The following DLGAP5 variants were observed in gnomAD, a reference collection of about 807,000 sequenced individuals.
DLGAP5 encodes the protein disks large-associated protein 5.
In DLGAP5, 90 loss-of-function variants were observed where a neutral mutation model predicts 99.6. That is an observed-to-expected ratio of 0.90 (90% CI 0.76 to 1.08). The LOEUF is 1.08. Ranked by LOEUF, DLGAP5 falls within the 50% of genes least tolerant of loss-of-function variation. DLGAP5 has a pLI of 0.00. For synonymous variants in DLGAP5, 311 were observed against 321.3 expected, an observed-to-expected ratio of 0.97 and a Z score of 0.34; for missense variants, 1,036 against 983.5, an observed-to-expected ratio of 1.05 and a Z score of -0.71.
Position 55,169,407 on chromosome 14 carries a change from T to C in DLGAP5, c.1540A>G (p.Ser514Gly). Residue 514 changes from serine (S) to glycine (G), a missense_variant, in exon 12 of 19, where the codon AGT becomes GGT. Transcript: ENST00000247191. ...AATATTGAACCACATACCTGAAAAC[T>C]AACCATATCCCAAAATCCATCCAGA... ...TDLDGFWDMV[S>G]FQIEDVIHKF... is the part of the protein sequence containing the mutation. 6.9e-7 allele frequency: 1 copy of C among 1,446,590 alleles called. No homozygotes were observed. The highest frequency in any genetic ancestry group is 1.3e-5 in the South Asian group (1 of 75,072). The allele number at this position is 1,446,590 out of a possible 1,614,324, so 89.6% of individuals were successfully genotyped here.
intron 15 of DLGAP5, among the ~76,000 whole-genome samples, chr14:55,153,540 CAAA>C (rs34557020): frequency 3.9e-4 from 53 of 135,090 alleles, no homozygotes; most frequent in African/African-American, 1.3e-3. Context: ...CACTCCGTCT[CAAA>C]AAAAAAAAAA....
intron 18 of DLGAP5, among the ~76,000 whole-genome samples, chr14:55,149,446 C>A (rs78443666): frequency 0.026 from 3,925 of 152,082 alleles, 164 homozygotes; most frequent in African/African-American, 0.09. Flanking sequence ...ACAAAAAAGG[C>A]AGCTTTGAAA....
At chr14:55,178,648 C>G (rs1055876052) in intron 7 of DLGAP5, among the ~76,000 whole-genome samples, 9 of 152,228 alleles carry the variant, frequency 5.9e-5, no homozygotes, top group African/African-American at 2.2e-4. Context: ...GGTCCAGCTG[C>G]TTTATCTGTG....
chr14:55,148,674 C>A, intron 18 of DLGAP5: 1 of 988,776 alleles, frequency 1.0e-6, no homozygotes. Context: ...AGCAACATAG[C>A]AAGATCCCAC....
chr14:55,175,450 T>C lies in DLGAP5; in HGVS notation c.1197A>G (p.Glu399=), dbSNP rs1299892882. Residue 399 remains glutamate (E), a synonymous_variant, in exon 10 of 19, where the codon GAA becomes GAG. Transcript: ENST00000247191. ...GGCCATTTAAATTTTTAGTAGTAGC[T>C]TCATTTTTATTTAAAACATGTTCTA... ...WHEEHVLNKN[E]ATTKNLNGLP... 7 of 1,337,020 alleles carry C rather than the reference T, an allele frequency of 5.2e-6. No homozygotes were observed. The East Asian group carries it at 1.7e-4, about 32-fold the overall frequency. 82.8% of individuals were successfully genotyped at this position (1,337,020 alleles called of 1,614,324 possible). A position where few individuals can be genotyped will look rare whatever the true frequency, so the allele number is the denominator to read the frequency against.
chr14:55,152,900 G>A (rs1882067982), intron 15 of DLGAP5, among the ~76,000 whole-genome samples: 1 of 152,138 alleles, frequency 6.6e-6, no homozygotes. Flanking sequence ...AGGGTCAGGT[G>A]GCTCTACCAG....
At chr14:55,168,109 C>T (rs1415634998) in intron 12 of DLGAP5, among the ~76,000 whole-genome samples, 2 of 152,096 alleles carry the variant, frequency 1.3e-5, no homozygotes, top group Non-Finnish European at 2.9e-5. Flanking sequence ...GCATGTGCAA[C>T]CATGCCTGGC....
At chr14:55,175,222 T>G (rs1313593194) in intron 10 of DLGAP5, 124 bp downstream of exon 10, 13 of 785,882 alleles carry the variant, frequency 1.7e-5, no homozygotes, top group Non-Finnish European at 2.6e-5. Context: ...TAATTAAAAT[T>G]TAAACGTGAA....
intron 2 of DLGAP5, among the ~76,000 whole-genome samples, chr14:55,187,091 A>C (rs927024909): frequency 6.6e-6 from 1 of 151,942 alleles, no homozygotes; most frequent in African/African-American, 2.4e-5. Flanking sequence ...TTTTTAGTAG[A>C]GATGGGGTTT....
intron 1 of DLGAP5, among the ~76,000 whole-genome samples, chr14:55,190,824 A>G (rs1338318390): frequency 6.6e-6 from 1 of 152,234 alleles, no homozygotes; most frequent in Admixed American, 6.5e-5. Context: ...ATCTCCTGCA[A>G]TATTAATTCG....
chr14:55,168,084 C>T (rs1882709796), intron 12 of DLGAP5, among the ~76,000 whole-genome samples: 1 of 152,068 alleles, frequency 6.6e-6, no homozygotes, highest in Non-Finnish European at 1.5e-5. Flanking sequence ...TTCTGTCTTA[C>T]AGCTTGTACT....
chr14:55,163,611 A>G (rs2140312359), intron 12 of DLGAP5, among the ~76,000 whole-genome samples: 1 of 152,338 alleles, frequency 6.6e-6, no homozygotes, highest in East Asian at 1.9e-4. Flanking sequence ...TGTCTTCTAA[A>G]GTGGATATAA....
Position 55,180,979 on chromosome 14 carries a change from T to C in DLGAP5, c.581-201A>G, listed in dbSNP as rs1883253709. 2.6e-5 allele frequency among the ~76,000 whole-genome samples: 4 copies of C among 152,070 alleles called. No homozygotes were observed. In the South Asian group the frequency reaches 8.3e-4, roughly 32 times the overall value. ...AAAAAATATAAAAATCAGCTGGGCA[T>C]GGTGGCAAGTCTGTAGTTGCAGCTA... On this transcript the variant is annotated intron_variant, in intron 5 of 18. Transcript: ENST00000247191.
In DLGAP5 at chr14:55,161,599, G is replaced by A. The variant is rs142206269; in HGVS notation, c.1653+1372C>T. Among the ~76,000 whole-genome samples, 736 of 150,842 alleles carry A rather than the reference G, an allele frequency of 4.9e-3. 29 individuals are homozygous for A. The East Asian group carries it at 0.064, about 13-fold the overall frequency. On this transcript the variant is annotated intron_variant, in intron 13 of 18. Coordinates refer to ENST00000247191, the MANE Select transcript of DLGAP5 (RefSeq NM_014750.5). ...TAATTTTTGTATTTTTAGTAGAGAC[G>A]GGGTTTCTCCACGATGGTCAGGCTG...
chr14:55,159,660 T>C (rs952240356), intron 13 of DLGAP5, among the ~76,000 whole-genome samples: 1 of 152,138 alleles, frequency 6.6e-6, no homozygotes, highest in African/African-American at 2.4e-5. Context: ...ATGCTGTCAG[T>C]TTGGGATATA....
chr14:55,177,231 G>GT lies in DLGAP5; in HGVS notation c.879dup (p.Pro294ThrfsTer2). On this transcript the variant is annotated frameshift_variant, in exon 8 of 19. Coordinates refer to ENST00000247191, the MANE Select transcript of DLGAP5 (RefSeq NM_014750.5). LOFTEE classifies it high-confidence loss of function. ...TTTATTTTTGCAGTATTTATCTCAG[G>GT]TAAGTTTTCCATTTTTGATAAGACT... The GT allele has an allele frequency of 1.2e-6, 2 of 1,613,182 alleles. No homozygotes were observed. Among genetic ancestry groups the GT allele is most frequent in the Non-Finnish European group, 1.7e-6 (2 of 1,179,678 alleles).
chr14:55,158,508 C>T lies in DLGAP5; in HGVS notation c.1873+14G>A, dbSNP rs200878291. On this transcript the variant is annotated intron_variant, in intron 14 of 18. Coordinates refer to ENST00000247191, the MANE Select transcript of DLGAP5 (RefSeq NM_014750.5). ...AGGAAAAACAAAAAAAATAAAAAAT[C>T]AAAAACAACTAACCTGAGAATAATT... 1 of 1,599,784 alleles carries T rather than the reference C, an allele frequency of 6.3e-7. No homozygotes were observed.
chr14:55,176,733 C>T (rs969770217), intron 8 of DLGAP5, among the ~76,000 whole-genome samples: 2 of 151,948 alleles, frequency 1.3e-5, no homozygotes, highest in African/African-American at 2.4e-5. Flanking sequence ...AATCCCAGCA[C>T]TTTGGGAGGC....
At chr14:55,160,581 G>C (rs1472197531) in intron 13 of DLGAP5, among the ~76,000 whole-genome samples, 1 of 151,774 alleles carries the variant, frequency 6.6e-6, no homozygotes, top group Non-Finnish European at 1.5e-5. Context: ...CTGAGTAGCT[G>C]GGATTACAGG....
Sources: gnomAD v4.1 joint callset for allele counts (sites outside exome capture counted in the v4.1 genomes callset) on GRCh38, gnomAD v4.1.1 for gene constraint, MANE v1.5 for transcripts, NCBI Gene and HGNC (gene_info 2026-07-23, HGNC 2026-07-21) for gene names.